The following LIMS1 variants were observed in gnomAD, a reference collection of about 807,000 sequenced individuals.
LIMS1 encodes LIM and senescent cell antigen-like-containing domain protein 1.
A neutral mutation model predicts 44.1 loss-of-function variants in LIMS1; 18 were observed. That is an observed-to-expected ratio of 0.41 (90% CI 0.28 to 0.61). The LOEUF (loss-of-function observed/expected upper bound fraction) is 0.61. LIMS1 is among the 20% of genes least tolerant of loss of function. LIMS1 has a pLI of 0.32. For missense variants in LIMS1, 201 were observed against 422.0 expected (o/e 0.48, Z 4.59); for synonymous variants, 93 against 149.1 (o/e 0.62, Z 2.74).
intron 1 of LIMS1, among the ~76,000 whole-genome samples, chr2:108,619,064 C>G (rs1688092802): frequency 6.6e-6 from 1 of 152,174 alleles, no homozygotes; most frequent in South Asian, 2.1e-4. Flanking sequence ...CCCTGCACAT[C>G]CTTTTAACAC....
At chr2:108,582,208 T>A (rs1685914369) in intron 1 of LIMS1, among the ~76,000 whole-genome samples, 1 of 152,206 alleles carries the variant, frequency 6.6e-6, no homozygotes, top group South Asian at 2.1e-4. Flanking sequence ...CCTCTGGGTC[T>A]GTCGTCCTCA....
At chr2:108,633,095 C>T (rs1353413789) in intron 1 of LIMS1, among the ~76,000 whole-genome samples, 1 of 152,180 alleles carries the variant, frequency 6.6e-6, no homozygotes, top group Non-Finnish European at 1.5e-5. Flanking sequence ...ATCATGACGG[C>T]AGTGGAAGAT....
chr2:108,665,960 C>T (rs1357283279), intron 2 of LIMS1, among the ~76,000 whole-genome samples: 6 of 151,918 alleles, frequency 3.9e-5, no homozygotes, highest in African/African-American at 9.7e-5. Flanking sequence ...GGATAGAAAA[C>T]ACAAACCATT....
chr2:108,553,244 T>C (rs1157592292), intron 1 of LIMS1, among the ~76,000 whole-genome samples: 1 of 152,224 alleles, frequency 6.6e-6, no homozygotes, highest in East Asian at 1.9e-4. Flanking sequence ...TGCAGATAAA[T>C]ATCTTTTGAG....
At chr2:108,635,301 GC>G (rs1382990755) in intron 1 of LIMS1, among the ~76,000 whole-genome samples, 4 of 151,914 alleles carry the variant, frequency 2.6e-5, no homozygotes, top group Non-Finnish European at 4.4e-5. Flanking sequence ...GGTGGCAGGT[GC>G]CTGTAATCCC....
intron 1 of LIMS1, among the ~76,000 whole-genome samples, chr2:108,600,048 G>T (rs569347048): frequency 6.6e-6 from 1 of 151,060 alleles, no homozygotes; most frequent in African/African-American, 2.4e-5. Flanking sequence ...TTTTGTTGTT[G>T]TTGTTGTTGT....
At chr2:108,626,702 T>C (rs1327023991) in intron 1 of LIMS1, among the ~76,000 whole-genome samples, 3 of 152,216 alleles carry the variant, frequency 2.0e-5, no homozygotes, top group East Asian at 1.9e-4. Flanking sequence ...TTAAACTCTT[T>C]ACACTCTACT....
At chr2:108,581,408 C>T (rs904667087) in intron 1 of LIMS1, among the ~76,000 whole-genome samples, 3 of 152,208 alleles carry the variant, frequency 2.0e-5, no homozygotes, top group Admixed American at 6.5e-5. Context: ...CTACGTTTCC[C>T]AGTAAATACT....
intron 1 of LIMS1, among the ~76,000 whole-genome samples, chr2:108,541,819 T>C (rs1007610603): frequency 6.6e-6 from 1 of 152,230 alleles, no homozygotes; most frequent in African/African-American, 2.4e-5. Flanking sequence ...AACGAATTCC[T>C]GGAGCATTAA....
exon 1 of LIMS1, chr2:108,534,434 C>T (rs1239296701): frequency 4.4e-6 from 3 of 678,416 alleles, no homozygotes; most frequent in African/African-American, 1.9e-5. Context: ...CGCGGCCGGC[C>T]CCTGGCCTTC....
chr2:108,598,986 G>A (rs1482478372), intron 1 of LIMS1, among the ~76,000 whole-genome samples: 1 of 151,960 alleles, frequency 6.6e-6, no homozygotes, highest in African/African-American at 2.4e-5. Context: ...ATTTTATTGG[G>A]GGGGTGATAT....
intron 1 of LIMS1, among the ~76,000 whole-genome samples, chr2:108,570,622 T>C (rs2104630627): frequency 6.6e-6 from 1 of 152,070 alleles, no homozygotes; most frequent in East Asian, 1.9e-4. Flanking sequence ...CTCTAAGGGG[T>C]TGTCTCCTGT....
intron 1 of LIMS1, chr2:108,657,917 G>A (rs1161947148): frequency 6.7e-6 from 1 of 149,886 alleles, no homozygotes; most frequent in Non-Finnish European, 1.5e-5. Flanking sequence ...TTGTCTTCCA[G>A]AGGTGTGGAG....
chr2:108,643,581 C>G (rs1689856091), intron 1 of LIMS1, among the ~76,000 whole-genome samples: 1 of 140,062 alleles, frequency 7.1e-6, no homozygotes, highest in Non-Finnish European at 1.6e-5. Context: ...AGACACCGAG[C>G]TAGCCAGTTT....
intron 1 of LIMS1, among the ~76,000 whole-genome samples, chr2:108,647,678 G>A (rs544233022): frequency 2.0e-5 from 3 of 152,260 alleles, no homozygotes; most frequent in African/African-American, 2.4e-5. Flanking sequence ...ATCAATAAAC[G>A]TAATCCATCA....
In LIMS1 at chr2:108,669,181, G is replaced by A. The variant is rs1691991175; in HGVS notation, c.193-1600G>A. The stretch of plus-strand genomic sequence containing the variant: ...CAGCACTTTGGGAGGCCAAAGGCGG[G>A]AGGATCACTTGAGGTCAGGAGTTCG... On this transcript the variant is annotated intron_variant, in intron 2 of 9. Coordinates refer to ENST00000544547, the Ensembl canonical transcript of LIMS1. 2.6e-5 allele frequency among the ~76,000 whole-genome samples: 4 copies of A among 152,298 alleles called. No homozygotes were observed. In the South Asian group the frequency reaches 8.3e-4, roughly 32 times the overall value.
At chr2:108,573,583 A>G (rs1685563518) in intron 1 of LIMS1, among the ~76,000 whole-genome samples, 1 of 152,188 alleles carries the variant, frequency 6.6e-6, no homozygotes. Context: ...TATTTAACAA[A>G]TATTGCTGCG....
At chr2:108,656,733 A>G (rs1445522336) in intron 1 of LIMS1, among the ~76,000 whole-genome samples, 4 of 142,330 alleles carry the variant, frequency 2.8e-5, no homozygotes, top group Admixed American at 7.2e-5. Flanking sequence ...GCTTGTTTTT[A>G]TGATGTATCT....
intron 1 of LIMS1, among the ~76,000 whole-genome samples, chr2:108,562,080 T>C (rs991412628): frequency 1.3e-5 from 2 of 152,164 alleles, no homozygotes; most frequent in Non-Finnish European, 2.9e-5. Context: ...TGTAATTGTT[T>C]TGAGATACCA....
Sources: gnomAD v4.1 joint callset for allele counts (sites outside exome capture counted in the v4.1 genomes callset) on GRCh38, gnomAD v4.1.1 for gene constraint, MANE v1.5 for transcripts, NCBI Gene and HGNC (gene_info 2026-07-23, HGNC 2026-07-21) for gene names.